SKAP1: variants seen among roughly 807,000 people sequenced by gnomAD.
SKAP1 encodes src kinase-associated phosphoprotein 1.
SKAP1 carries 44 observed loss-of-function variants against 58.5 expected under a neutral mutation model. The observed-to-expected ratio is 0.75, with a 90% CI of 0.59 to 0.97. The LOEUF (loss-of-function observed/expected upper bound fraction) is 0.97, where lower values mean the gene tolerates loss of function less well. Ranked by LOEUF, SKAP1 falls within the 50% of genes least tolerant of loss-of-function variation. The pLI is 0.00. For missense variants in SKAP1, 390 were observed against 435.2 expected, an observed-to-expected ratio of 0.90 and a Z score of 0.92; for synonymous variants, 127 against 149.7, an observed-to-expected ratio of 0.85 and a Z score of 1.11.
At chr17:48,378,189 A>C (rs575292363) in intron 2 of SKAP1, among the ~76,000 whole-genome samples, 41 of 152,160 alleles carry the variant, frequency 2.7e-4, no homozygotes, top group Non-Finnish European at 5.6e-4. Flanking sequence ...CAAACGGTCC[A>C]TCTGCCCTCA....
At chr17:48,340,590 A>G (rs1211269318) in intron 4 of SKAP1, among the ~76,000 whole-genome samples, 1 of 152,182 alleles carries the variant, frequency 6.6e-6, no homozygotes, top group African/African-American at 2.4e-5. Flanking sequence ...CCAAAGAATC[A>G]AAATAATATA....
intron 4 of SKAP1, among the ~76,000 whole-genome samples, chr17:48,203,349 A>C (rs2064753477): frequency 6.6e-6 from 1 of 152,238 alleles, no homozygotes; most frequent in Non-Finnish European, 1.5e-5. Flanking sequence ...AGGCACATCC[A>C]TTCTGCTTCA....
chr17:48,356,389 G>C lies in SKAP1; in HGVS notation c.178+7400C>G, dbSNP rs117873374. On this transcript the variant is annotated intron_variant, in intron 3 of 12. Coordinates refer to ENST00000336915, the MANE Select transcript of SKAP1 (RefSeq NM_003726.4). ...GCTGTTTTTTTGTTTGTTTTGGAAA[G>C]CTTCTTTATTAAATAAAAAAAGTTA... Among the ~76,000 whole-genome samples the C allele has an allele frequency of 5.0e-3, 763 of 152,194 alleles. 6 individuals are homozygous for C. The highest frequency in any genetic ancestry group is 0.034 in the Middle Eastern group (10 of 294).
intron 4 of SKAP1, among the ~76,000 whole-genome samples, chr17:48,332,827 A>G (rs2066522721): frequency 1.3e-5 from 2 of 152,194 alleles, no homozygotes; most frequent in Admixed American, 6.5e-5. Flanking sequence ...AAAAAATTTC[A>G]TAGAAATCTT....
intron 4 of SKAP1, chr17:48,308,079 A>C (rs1023491957): frequency 3.9e-5 from 6 of 152,242 alleles, no homozygotes; most frequent in African/African-American, 9.6e-5. Context: ...ACTACAATTC[A>C]GAGCTAATTA....
At chr17:48,223,036 C>G (rs2065022467) in intron 4 of SKAP1, among the ~76,000 whole-genome samples, 1 of 125,276 alleles carries the variant, frequency 8.0e-6, no homozygotes, top group Non-Finnish European at 1.6e-5. Context: ...TGCACTCTAG[C>G]CTGGGCGACA....
At chr17:48,304,135 T>C (rs994922330) in intron 4 of SKAP1, among the ~76,000 whole-genome samples, 4 of 152,218 alleles carry the variant, frequency 2.6e-5, no homozygotes, top group Non-Finnish European at 5.9e-5. Flanking sequence ...CAAAGTATTA[T>C]ATAACTAAAG....
intron 4 of SKAP1, among the ~76,000 whole-genome samples, chr17:48,301,546 C>T (rs963291442): frequency 5.3e-5 from 8 of 152,030 alleles, no homozygotes; most frequent in East Asian, 1.9e-4. Context: ...CTGCAACCTC[C>T]GTCTCCTGGG....
chr17:48,288,361 T>C (rs369955906), intron 4 of SKAP1, among the ~76,000 whole-genome samples: 1 of 152,198 alleles, frequency 6.6e-6, no homozygotes, highest in East Asian at 1.9e-4. Flanking sequence ...TGGCTAAGAA[T>C]CTATCAAAAT....
Position 48,204,958 on chromosome 17 carries a change from C to CTTTCT in SKAP1, c.281-15463_281-15459dup, listed in dbSNP as rs1555602803. Among the ~76,000 whole-genome samples, 1,065 of 120,732 alleles carry CTTTCT rather than the reference C, an allele frequency of 8.8e-3. 44 individuals are homozygous for CTTTCT. Among genetic ancestry groups the CTTTCT allele is most frequent in the South Asian group, 0.037 (114 of 3,116 alleles). 79.2% of individuals were successfully genotyped at this position (120,732 alleles called of 152,430 possible). On this transcript the variant is annotated intron_variant, in intron 4 of 12. Coordinates refer to ENST00000336915, the MANE Select transcript of SKAP1 (RefSeq NM_003726.4). ...CTTCCTTCCTCCCTCCCTCCTTCCT[C>CTTTCT]TTTCTTTTCTTTTCTTTTCTTTCTT...
At chr17:48,361,292 G>A (rs998201395) in intron 3 of SKAP1, among the ~76,000 whole-genome samples, 19 of 149,456 alleles carry the variant, frequency 1.3e-4, no homozygotes, top group South Asian at 2.1e-4. Flanking sequence ...TGCAACCTCC[G>A]TCTCCCAGGT....
chr17:48,174,233 C>A (rs368417511), intron 9 of SKAP1, among the ~76,000 whole-genome samples: 2 of 152,336 alleles, frequency 1.3e-5, no homozygotes, highest in South Asian at 4.1e-4. Flanking sequence ...AACGGGGAAG[C>A]TCCAATCCCC....
chr17:48,176,754 T>C (rs558533626), intron 9 of SKAP1, among the ~76,000 whole-genome samples: 2 of 152,190 alleles, frequency 1.3e-5, no homozygotes, highest in Non-Finnish European at 2.9e-5. Flanking sequence ...ATGATTAATG[T>C]GATGGAGTGA....
rs1240174496 is a variant in SKAP1 at position 48,162,564 on chromosome 17, A to G, written c.883T>C (p.Tyr295His). ...ESGTRRKGVD[Y>H]ASYYQGLWDC... ...CATAGGCCCTGGTAGTAACTGGCAT[A>G]GTCTACTGATCAAAGAGAGGAGAAA... Residue 295 changes from tyrosine to histidine, a missense_variant, in exon 11 of 13, where the codon TAT (tyrosine) becomes CAT (histidine). Transcript: ENST00000336915. The G allele has an allele frequency of 6.2e-7, 1 of 1,611,336 alleles. No homozygotes were observed. Among genetic ancestry groups the G allele is most frequent in the Admixed American group, 1.7e-5 (1 of 59,854 alleles).
chr17:48,279,834 T>C (rs562055752), intron 4 of SKAP1, among the ~76,000 whole-genome samples: 2 of 152,310 alleles, frequency 1.3e-5, no homozygotes, highest in East Asian at 3.9e-4. Context: ...CTTCGTAGCC[T>C]GGGCCAGCTT....
chr17:48,220,905 T>G (rs1233650308), intron 4 of SKAP1, among the ~76,000 whole-genome samples: 1 of 143,644 alleles, frequency 7.0e-6, no homozygotes, highest in African/African-American at 2.6e-5. Flanking sequence ...AAAGAGAAGC[T>G]TTAGGGGTGC....
At chr17:48,265,185 G>C (rs1268222038) in intron 4 of SKAP1, among the ~76,000 whole-genome samples, 2 of 152,070 alleles carry the variant, frequency 1.3e-5, no homozygotes, top group Admixed American at 6.6e-5. Context: ...AGCTCCAAAG[G>C]CTCTAAATCT....
intron 4 of SKAP1, among the ~76,000 whole-genome samples, chr17:48,268,985 C>T (rs566246963): frequency 6.6e-6 from 1 of 152,114 alleles, no homozygotes; most frequent in South Asian, 2.1e-4. Flanking sequence ...AGTCCTAGTA[C>T]TGGTACAAAA....
the SKAP1 span, among the ~76,000 whole-genome samples, chr17:48,443,013 A>G: frequency 6.6e-5 from 10 of 151,918 alleles, no homozygotes; most frequent in African/African-American, 2.4e-4. Context: ...TCAGTAACAG[A>G]CTTCCTGCAG....
Sources: allele counts gnomAD v4.1 joint callset (sites outside exome capture counted in the v4.1 genomes callset), GRCh38; gene constraint gnomAD v4.1.1; transcripts MANE v1.5; gene names NCBI Gene and HGNC (gene_info 2026-07-23, HGNC 2026-07-21).